Variants in HNRNPM observed in about 807,000 individuals in gnomAD.
HNRNPM encodes the protein heterogeneous nuclear ribonucleoprotein M.
HNRNPM carries 11 observed loss-of-function variants against 73.1 expected under a neutral mutation model. The ratio of observed to expected loss-of-function variants is 0.15; its 90% CI spans 0.09 to 0.25. The LOEUF is 0.25. Among genes scored for constraint, HNRNPM ranks in the 10% least tolerant of loss-of-function variants. HNRNPM has a pLI of 1.00. For missense variants in HNRNPM, 789 were observed against 1,067.9 expected (o/e 0.74, Z 3.64); for synonymous variants, 407 against 355.2 (o/e 1.15, Z -1.64).
rs1424428243 is a variant in HNRNPM at position 8,445,017 on chromosome 19, G to C, written c.19G>C (p.Ala7Pro). The change falls in exon 1 of 16, where the codon GCG becomes CCG. Residue 7 changes from alanine to proline, a missense_variant. Physicochemically the swap from Ala to Pro is conservative, Grantham distance 27. Coordinates refer to ENST00000325495, the MANE Select transcript of HNRNPM (RefSeq NM_005968.5). Reference sequence around the variant, plus strand: ...GGAGAAAATGGCGGCAGGGGTCGAAGCGGCGGCGGAGGTGGCGGCGACGGA... The same window carrying C: ...GGAGAAAATGGCGGCAGGGGTCGAACCGGCGGCGGAGGTGGCGGCGACGGA... MAAGVE[A>P]AAEVAATEIK... 7.0e-7 allele frequency: 1 copy of C among 1,425,198 alleles called. No homozygotes were observed. Among genetic ancestry groups the C allele is most frequent in the Non-Finnish European group, 9.2e-7 (1 of 1,091,894 alleles). 88.3% of individuals were successfully genotyped at this position (1,425,198 alleles called of 1,614,324 possible).
chr19:8,471,677 TGCCATTTGATAAGAGGAGGCAA>T (rs1970149668), intron 10 of HNRNPM, among the ~76,000 whole-genome samples: 1 of 152,206 alleles, frequency 6.6e-6, no homozygotes, highest in Non-Finnish European at 1.5e-5. Context: ...GAAATAGTTG[TGCCATTTGATAAGAGGAGGCAA>T]GCCAGAGAGT....
intron 1 of HNRNPM, among the ~76,000 whole-genome samples, chr19:8,450,512 C>T (rs1012969400): frequency 6.6e-6 from 1 of 151,628 alleles, no homozygotes; most frequent in Non-Finnish European, 1.5e-5. Context: ...TGGGCTCAAG[C>T]GATCCTTCCA....
intron 6 of HNRNPM, 96 bp from the exon 7 acceptor site, chr19:8,466,139 T>G: frequency 8.0e-7 from 1 of 1,251,712 alleles, no homozygotes; most frequent in Non-Finnish European, 1.1e-6. Context: ...TCCTAATACT[T>G]TTTTCCAACC....
chr19:8,459,014 G>GC (rs34769680), intron 2 of HNRNPM, among the ~76,000 whole-genome samples: 1 of 152,094 alleles, frequency 6.6e-6, no homozygotes, highest in Non-Finnish European at 1.5e-5. Context: ...TGCAACCTCT[G>GC]CCCCCTGGGT....
rs1969466539 is a variant in HNRNPM at position 8,462,393 on chromosome 19, A to G, written c.284-136A>G. ...CCTGTAATGCCTAGTTCGGTGGTTT[A>G]GAGAATATGGAGTGTTTCTGGGCTT... On this transcript the variant is annotated intron_variant, in intron 2 of 15. Coordinates refer to ENST00000325495, the MANE Select transcript of HNRNPM (RefSeq NM_005968.5). This position sits in a 1 kb window ranked among gnomAD's most constrained non-coding sequence, Gnocchi z 4.5. 15 of 750,930 alleles carry G rather than the reference A, an allele frequency of 2.0e-5. No individual in the cohort carries two copies. Among genetic ancestry groups the G allele is most frequent in the Non-Finnish European group, 2.4e-6 (1 of 418,518 alleles). The allele number at this position is 750,930 out of a possible 1,614,324, so 46.5% of individuals were successfully genotyped here. A position where few individuals can be genotyped will look rare whatever the true frequency, so the allele number is the denominator to read the frequency against.
At position 8,486,012 on chromosome 19, in the gene HNRNPM, C is replaced by A; in HGVS notation, c.1584C>A (p.Ser528Arg). ...CTGCCATCGAGCGCATGGGCCTGAG[C>A]ATGGAGCGCATGGTGCCCGCAGGTA... is the stretch of plus-strand genomic sequence containing the variant. ...MGPAIERMGL[S>R]MERMVPAGMG... Residue 528 changes from serine (S) to arginine (R), a missense_variant, in exon 14 of 16, where the codon AGC becomes AGA. By Grantham distance (110) the Ser-to-Arg change is moderately radical (BLOSUM62 -1). Coordinates refer to ENST00000325495, the MANE Select transcript of HNRNPM (RefSeq NM_005968.5). 1 of 1,606,584 alleles carries A rather than the reference C, an allele frequency of 6.2e-7. No homozygotes were observed. The highest frequency in any genetic ancestry group is 8.5e-7 in the Non-Finnish European group (1 of 1,179,420).
chr19:8,472,188 A>C (rs1970197040), intron 10 of HNRNPM, among the ~76,000 whole-genome samples: 1 of 151,828 alleles, frequency 6.6e-6, no homozygotes, highest in Non-Finnish European at 1.5e-5. Flanking sequence ...AAAAAAAAAA[A>C]AAAACCTGCA....
In HNRNPM at chr19:8,488,884, G is replaced by A; in HGVS notation, c.*30G>A. On this transcript the variant is annotated 3_prime_UTR_variant, in exon 16 of 16. Coordinates refer to ENST00000325495, the MANE Select transcript of HNRNPM (RefSeq NM_005968.5). The stretch of plus-strand genomic sequence containing the variant: ...TTGCCTTTTTTAAACATCGATACGA[G>A]ACCTCTGAATTTGTATTTTTTCTTG... 2.6e-6 allele frequency: 4 copies of A among 1,566,408 alleles called. No homozygotes were observed. Among genetic ancestry groups the A allele is most frequent in the Non-Finnish European group, 3.5e-6 (4 of 1,146,118 alleles).
intron 1 of HNRNPM, among the ~76,000 whole-genome samples, chr19:8,447,797 C>T (rs1968310558): frequency 6.6e-6 from 1 of 152,094 alleles, no homozygotes; most frequent in Non-Finnish European, 1.5e-5. Flanking sequence ...GAGGCCGAGG[C>T]GGGCAGATCA....
intron 5 of HNRNPM, among the ~76,000 whole-genome samples, chr19:8,464,640 C>T (rs1054465918): frequency 6.6e-5 from 10 of 152,104 alleles, no homozygotes; most frequent in Non-Finnish European, 1.3e-4. Flanking sequence ...CTCAAAAAAA[C>T]ATCCCTCTTA....
rs1407511200 is a variant in HNRNPM, at chr19:8,488,694, A to G, written c.2033A>G (p.His678Arg). Reference protein sequence around the residue: ...MLKDKFNECGHVLYADIKMEN... With the variant: ...MLKDKFNECGRVLYADIKMEN... ...TCTTCTTCCCTCCCTGTCCTAGGCC[A>G]CGTGCTGTACGCCGACATCAAGATG... is the stretch of plus-strand genomic sequence containing the variant. The change falls in exon 16 of 16, where the codon CAC becomes CGC. Residue 678 changes from histidine to arginine, a missense_variant. By Grantham distance (29) the His-to-Arg change is conservative. Around this residue, in one of 4 missense-constraint regions of HNRNPM, gnomAD observed 43 missense variants for 105.8 expected, o/e 0.41. Transcript: ENST00000325495. 1.2e-6 allele frequency: 2 copies of G among 1,613,022 alleles called. No homozygotes were observed. Among genetic ancestry groups the G allele is most frequent in the Non-Finnish European group, 1.7e-6 (2 of 1,179,368 alleles).
intron 2 of HNRNPM, among the ~76,000 whole-genome samples, chr19:8,457,450 G>A (rs1370362507): frequency 1.3e-5 from 2 of 152,168 alleles, no homozygotes; most frequent in Non-Finnish European, 2.9e-5. Context: ...AGCCCTCTCA[G>A]TGTATTTTTG....
At chr19:8,452,809 A>C (rs1968721109) in intron 1 of HNRNPM, among the ~76,000 whole-genome samples, 1 of 152,152 alleles carries the variant, frequency 6.6e-6, no homozygotes. Flanking sequence ...TGGGGACTAC[A>C]CAAAGTTGCT....
At position 8,462,502 on chromosome 19, in the gene HNRNPM, A is replaced by C. The variant is rs1365207040; in HGVS notation, c.284-27A>C. ...TTTCTTGGCTTTTCTCCCTTGGTTT[A>C]TGTGTCGTCTGGAAACTGATTTGTA... On this transcript the variant is annotated intron_variant, in intron 2 of 15. Coordinates refer to ENST00000325495, the MANE Select transcript of HNRNPM (RefSeq NM_005968.5). This position sits in a 1 kb window ranked among gnomAD's most constrained non-coding sequence, Gnocchi z 4.5. 1.2e-6 allele frequency: 2 copies of C among 1,604,670 alleles called. No individual in the cohort carries two copies. Among genetic ancestry groups the C allele is most frequent in the Admixed American group, 3.3e-5 (2 of 59,990 alleles).
At position 8,477,459 on chromosome 19, in the gene HNRNPM, AC is replaced by A. The variant is rs545572203; in HGVS notation, c.1120+3217del. On this transcript the variant is annotated intron_variant, in intron 12 of 15. Coordinates refer to ENST00000325495, the MANE Select transcript of HNRNPM (RefSeq NM_005968.5). Reference sequence around the variant, plus strand: ...GATCACTTGAGCTCAGGAGTTCAAGACCAGCCAGGGCAACATAGTGAGACCT... The same window carrying A: ...GATCACTTGAGCTCAGGAGTTCAAGACAGCCAGGGCAACATAGTGAGACCT... 5.0e-3 allele frequency among the ~76,000 whole-genome samples: 759 copies of A among 152,076 alleles called. 4 individuals are homozygous for A. The highest frequency in any genetic ancestry group is 7.9e-3 in the Non-Finnish European group (540 of 67,974).
chr19:8,482,327 G>T (rs1970979565), intron 12 of HNRNPM, among the ~76,000 whole-genome samples: 1 of 152,206 alleles, frequency 6.6e-6, no homozygotes, highest in South Asian at 2.1e-4. Context: ...TGTCCAAGTT[G>T]CTGAGCATAT....
chr19:8,474,244 G>C lies in HNRNPM; in HGVS notation c.1120G>C (p.Glu374Gln). The C allele has an allele frequency of 6.3e-7, 1 of 1,576,424 alleles. No homozygotes were observed. Among genetic ancestry groups the C allele is most frequent in the Non-Finnish European group, 8.6e-7 (1 of 1,163,542 alleles). ...GSGMNMGRINEILSNALKRGE... is the reference protein window; with the variant it reads ...GSGMNMGRINQILSNALKRGE... ...TGGGATGAACATGGGCAGGATAAAT[G>C]GTAAGCATCGTGTTTTCTTCCTGCT... Residue 374 changes from glutamate to glutamine, a missense_variant and splice_region_variant, in exon 12 of 16, where the codon GAA (glutamate) becomes CAA (glutamine). Coordinates refer to ENST00000325495, the MANE Select transcript of HNRNPM (RefSeq NM_005968.5).
chr19:8,460,933 T>G (rs1969354428), intron 2 of HNRNPM, among the ~76,000 whole-genome samples: 1 of 152,228 alleles, frequency 6.6e-6, no homozygotes, highest in African/African-American at 2.4e-5. Flanking sequence ...TAACATGGCC[T>G]CAGGGCGGCT....
At chr19:8,460,762 CTT>C (rs774129947) in intron 2 of HNRNPM, among the ~76,000 whole-genome samples, 26 of 152,224 alleles carry the variant, frequency 1.7e-4, no homozygotes, top group Non-Finnish European at 3.4e-4. Flanking sequence ...TATTGTGAGT[CTT>C]TTATTTTTTA....
Sources: allele counts gnomAD v4.1 joint callset (sites outside exome capture counted in the v4.1 genomes callset), GRCh38; gene constraint gnomAD v4.1.1; regional missense constraint gnomAD v4.1.1; non-coding constraint Gnocchi (gnomAD v3.1); transcripts MANE v1.5; gene names NCBI Gene and HGNC (gene_info 2026-07-23, HGNC 2026-07-21).